Variants in KCNJ2 observed in about 807,000 individuals in gnomAD.
KCNJ2 encodes the protein potassium inwardly rectifying channel subfamily J member 2, also known as inward rectifier potassium channel 2.
KCNJ2 carries 12 observed loss-of-function variants against 28.4 expected under a neutral mutation model. That is an observed-to-expected ratio of 0.42 (90% CI 0.27 to 0.68). The LOEUF (loss-of-function observed/expected upper bound fraction) is 0.68, where lower values mean the gene tolerates loss of function less well. Ranked by LOEUF, KCNJ2 falls within the 30% of genes least tolerant of loss-of-function variation. The pLI, the probability that KCNJ2 is intolerant of heterozygous loss-of-function variation, is 0.23. For synonymous variants in KCNJ2, 200 were observed against 203.2 expected (o/e 0.98, Z 0.13); for missense variants, 320 against 551.3 (o/e 0.58, Z 4.20).
chr17:70,171,824 G>A (rs1308754984), intron 1 of KCNJ2, among the ~76,000 whole-genome samples: 3 of 152,000 alleles, frequency 2.0e-5, no homozygotes, highest in Admixed American at 6.6e-5. Flanking sequence ...ATGATTATTT[G>A]TGTCCATGAA....
At chr17:70,171,199 G>A (rs1336367100) in intron 1 of KCNJ2, among the ~76,000 whole-genome samples, 3 of 152,142 alleles carry the variant, frequency 2.0e-5, no homozygotes, top group Admixed American at 6.5e-5. Flanking sequence ...GCCAAGTGTC[G>A]TTGAGTATAA....
chr17:70,173,921 T>G (rs2074377877), intron 1 of KCNJ2, among the ~76,000 whole-genome samples: 1 of 152,200 alleles, frequency 6.6e-6, no homozygotes, highest in East Asian at 1.9e-4. Context: ...GGGCTCTTAT[T>G]GCTAGGCAAC....
chr17:70,175,675 G>A lies in KCNJ2; in HGVS notation c.636G>A (p.Trp212Ter), dbSNP rs2144377213. 1 of 1,614,222 alleles carries A rather than the reference G, an allele frequency of 6.2e-7. No individual in the cohort carries two copies. The stretch of plus-strand genomic sequence containing the variant: ...GAGACGGCAAGCTGTGTTTGATGTG[G>A]CGAGTGGGCAATCTTCGGAAAAGCC... ...AMRDGKLCLM[W>*]RVGNLRKSHL... Residue 212 changes from tryptophan (W) to a stop codon, truncating the protein, a stop_gained, in exon 2 of 2, where the codon TGG becomes TGA. Transcript: ENST00000243457. LOFTEE classifies it high-confidence loss of function. The surrounding 1 kb of genome is among the most constrained non-coding windows in gnomAD (Gnocchi z 8.3).
rs2074411310 is a variant in KCNJ2, at chr17:70,178,971, T to A, written c.*2648T>A. 6.0e-6 allele frequency: 1 copy of A among 166,838 alleles called. No individual in the cohort carries two copies. Among genetic ancestry groups the A allele is most frequent in the Non-Finnish European group, 1.5e-5 (1 of 68,088 alleles). The allele number at this position is 166,838 out of a possible 1,614,324, so 10.3% of individuals were successfully genotyped here. A position where few individuals can be genotyped will look rare whatever the true frequency, so the allele number is the denominator to read the frequency against. ...ACCAGCCTTATAAGGTTCGTATTGC[T>A]ATGTTCTTCTGTTATTTATTTCAGC... On this transcript the variant is annotated 3_prime_UTR_variant, in exon 2 of 2. Transcript: ENST00000243457.
Position 70,175,147 on chromosome 17 carries a change from AG to A in KCNJ2, c.109del (p.Val37SerfsTer12). 1 of 1,614,196 alleles carries A rather than the reference AG, an allele frequency of 6.2e-7. No homozygotes were observed. Among genetic ancestry groups the A allele is most frequent in the Non-Finnish European group, 8.5e-7 (1 of 1,180,038 alleles). Reference sequence around the variant, plus strand: ...ATGGCTTTGGGAACGGGAAGAGTAAAGTCCACACCCGACAACAGTGCAGGAG... The same window carrying A: ...ATGGCTTTGGGAACGGGAAGAGTAAATCCACACCCGACAACAGTGCAGGAG... ...ANGFGNGKSK[V>X]HTRQQCRSRF... On this transcript the variant is annotated frameshift_variant, in exon 2 of 2. Coordinates refer to ENST00000243457, the MANE Select transcript of KCNJ2 (RefSeq NM_000891.3). LOFTEE classifies it high-confidence loss of function. This position sits in a 1 kb window ranked among gnomAD's most constrained non-coding sequence, Gnocchi z 8.3.
Position 70,176,283 on chromosome 17 carries a change from C to G in KCNJ2, c.1244C>G (p.Pro415Arg). The G allele has an allele frequency of 6.2e-7, 1 of 1,613,996 alleles. No homozygotes were observed. Residue 415 changes from proline (P) to arginine (R), a missense_variant, in exon 2 of 2, where the codon CCT (proline) becomes CGT (arginine). This residue lies in a region of KCNJ2 where 155 missense variants were observed against 231.6 expected (regional missense o/e 0.67). Transcript: ENST00000243457. Reference sequence around the variant, plus strand: ...GACCTTCACAACCAGGCAAGTGTACCTCTAGAGCCCAGGCCCTTACGGCGA... The same window carrying G: ...GACCTTCACAACCAGGCAAGTGTACGTCTAGAGCCCAGGCCCTTACGGCGA... ...DIDLHNQASV[P>R]LEPRPLRRES...
chr17:70,170,369 G>C (rs1159725455), intron 1 of KCNJ2, among the ~76,000 whole-genome samples: 1 of 152,170 alleles, frequency 6.6e-6, no homozygotes, highest in Non-Finnish European at 1.5e-5. Flanking sequence ...CTTGAAGACA[G>C]TGTGGTTTTA....
Position 70,179,217 on chromosome 17 carries a change from G to A in KCNJ2, c.*2894G>A, listed in dbSNP as rs565801950. On this transcript the variant is annotated 3_prime_UTR_variant, in exon 2 of 2. Transcript: ENST00000243457. ...GTACACATGTCATTAGAATGCAGACGGAGGGGACTCACCATGAATATCTGG... is the reference window on the plus strand; with the variant it reads ...GTACACATGTCATTAGAATGCAGACAGAGGGGACTCACCATGAATATCTGG... The A allele has an allele frequency of 6.0e-6, 1 of 166,434 alleles. No homozygotes were observed. Among genetic ancestry groups the A allele is most frequent in the African/African-American group, 2.4e-5 (1 of 41,412 alleles). 10.3% of individuals were successfully genotyped at this position (166,434 alleles called of 1,614,324 possible).
Position 70,178,972 on chromosome 17 carries a change from A to G in KCNJ2, c.*2649A>G, listed in dbSNP as rs1211117640. On this transcript the variant is annotated 3_prime_UTR_variant, in exon 2 of 2. Transcript: ENST00000243457. ...CCAGCCTTATAAGGTTCGTATTGCTATGTTCTTCTGTTATTTATTTCAGCA... is the reference window on the plus strand; with the variant it reads ...CCAGCCTTATAAGGTTCGTATTGCTGTGTTCTTCTGTTATTTATTTCAGCA... The G allele has an allele frequency of 6.3e-6, 1 of 159,502 alleles. No homozygotes were observed. Among genetic ancestry groups the G allele is most frequent in the East Asian group, 2.1e-4 (1 of 4,780 alleles). 9.9% of individuals were successfully genotyped at this position (159,502 alleles called of 1,614,324 possible). A position where few individuals can be genotyped will look rare whatever the true frequency, so the allele number is the denominator to read the frequency against.
At chr17:70,172,950 A>G (rs2074372956) in intron 1 of KCNJ2, among the ~76,000 whole-genome samples, 1 of 152,218 alleles carries the variant, frequency 6.6e-6, no homozygotes, top group South Asian at 2.1e-4. Context: ...CTTTGGTCCA[A>G]GTGCAAACTT....
chr17:70,174,438 C>T (rs931622416), intron 1 of KCNJ2, among the ~76,000 whole-genome samples: 3 of 152,084 alleles, frequency 2.0e-5, no homozygotes, highest in African/African-American at 7.2e-5. Flanking sequence ...TACGACAAAC[C>T]TTGGAATCAG....
rs2074397574 is a variant in KCNJ2, at chr17:70,177,080, A to G, written c.*757A>G. The G allele has an allele frequency of 6.0e-6, 1 of 167,164 alleles. No individual in the cohort carries two copies. The highest frequency in any genetic ancestry group is 1.5e-5 in the Non-Finnish European group (1 of 68,172). 10.4% of individuals were successfully genotyped at this position (167,164 alleles called of 1,614,324 possible). A position where few individuals can be genotyped will look rare whatever the true frequency, so the allele number is the denominator to read the frequency against. On this transcript the variant is annotated 3_prime_UTR_variant, in exon 2 of 2. Transcript: ENST00000243457. ...TTTTTGCACAGTGGAGCTTACACTT[A>G]AAAGAAAACAAAGCCCCATGGGCTG...
chr17:70,178,419 A>G lies in KCNJ2; in HGVS notation c.*2096A>G, dbSNP rs2144381022. On this transcript the variant is annotated 3_prime_UTR_variant, in exon 2 of 2. Transcript: ENST00000243457. Reference sequence around the variant, plus strand: ...TTGGAGGAATTGGGGATTGAGTTGTAAAGAAAACTTACAGAAGAGGCAACA... The same window carrying G: ...TTGGAGGAATTGGGGATTGAGTTGTGAAGAAAACTTACAGAAGAGGCAACA... 1 of 167,210 alleles carries G rather than the reference A, an allele frequency of 6.0e-6. No individual in the cohort carries two copies. Among genetic ancestry groups the G allele is most frequent in the East Asian group, 1.9e-4 (1 of 5,196 alleles). The allele number at this position is 167,210 out of a possible 1,614,324, so 10.4% of individuals were successfully genotyped here.
chr17:70,179,940 T>A lies in KCNJ2; in HGVS notation c.*3617T>A, dbSNP rs2074418015. Reference sequence around the variant, plus strand: ...TATTTTCCCATTTGCTGTCTTTTTGTATCTAAAGTCTTCCTATTGTACTGC... The same window carrying A: ...TATTTTCCCATTTGCTGTCTTTTTGAATCTAAAGTCTTCCTATTGTACTGC... On this transcript the variant is annotated 3_prime_UTR_variant, in exon 2 of 2. Coordinates refer to ENST00000243457, the MANE Select transcript of KCNJ2 (RefSeq NM_000891.3). 6.0e-6 allele frequency: 1 copy of A among 167,004 alleles called. No homozygotes were observed. The highest frequency in any genetic ancestry group is 1.5e-5 in the Non-Finnish European group (1 of 68,102). The allele number at this position is 167,004 out of a possible 1,614,324, so 10.3% of individuals were successfully genotyped here. A position where few individuals can be genotyped will look rare whatever the true frequency, so the allele number is the denominator to read the frequency against.
At chr17:70,169,994 T>C (rs538968175) in intron 1 of KCNJ2, among the ~76,000 whole-genome samples, 5 of 152,284 alleles carry the variant, frequency 3.3e-5, no homozygotes, top group African/African-American at 1.2e-4. Context: ...ATGCACCAGC[T>C]GTAGCGAGAT....
intron 1 of KCNJ2, among the ~76,000 whole-genome samples, chr17:70,174,202 C>T (rs2074379233): frequency 6.6e-6 from 1 of 152,176 alleles, no homozygotes; most frequent in Admixed American, 6.5e-5. Flanking sequence ...CTCCAAAATC[C>T]ACTTCACTAT....
At chr17:70,169,988 A>C (rs2074356090) in intron 1 of KCNJ2, among the ~76,000 whole-genome samples, 1 of 152,210 alleles carries the variant, frequency 6.6e-6, no homozygotes, top group Non-Finnish European at 1.5e-5. Flanking sequence ...CTTCCAATGC[A>C]CCAGCTGTAG....
intron 1 of KCNJ2, 40 bp from the exon 2 acceptor site, chr17:70,174,784 G>A (rs567016659): frequency 1.1e-4 from 60 of 552,104 alleles, no homozygotes; most frequent in African/African-American, 9.8e-4. Context: ...TTCTTTAAGA[G>A]TGGCTTATTT....
intron 1 of KCNJ2, among the ~76,000 whole-genome samples, chr17:70,173,810 C>T (rs2074377255): frequency 6.6e-6 from 1 of 152,174 alleles, no homozygotes; most frequent in Non-Finnish European, 1.5e-5. Context: ...AAATGAGTTC[C>T]TGCCTTATCT....
Sources: allele counts gnomAD v4.1 joint callset (sites outside exome capture counted in the v4.1 genomes callset), GRCh38; gene constraint gnomAD v4.1.1; regional missense constraint gnomAD v4.1.1; non-coding constraint Gnocchi (gnomAD v3.1); transcripts MANE v1.5; gene names NCBI Gene and HGNC (gene_info 2026-07-23, HGNC 2026-07-21).